OSBPL3: variants seen among roughly 807,000 people sequenced by gnomAD.
OSBPL3 encodes the protein oxysterol-binding protein-related protein 3.
A neutral mutation model predicts 120.1 loss-of-function variants in OSBPL3; 65 were observed. The observed-to-expected ratio is 0.54, with a 90% CI of 0.44 to 0.67. OSBPL3 has a LOEUF of 0.67. OSBPL3 is among the 30% of genes least tolerant of loss of function. OSBPL3 has a pLI of 0.00. For synonymous variants in OSBPL3, 416 were observed against 402.6 expected (o/e 1.03, Z -0.40); for missense variants, 1,004 against 1,082.1 (o/e 0.93, Z 1.01).
At chr7:24,934,541 A>C (rs1812165175) in intron 1 of OSBPL3, among the ~76,000 whole-genome samples, 1 of 152,200 alleles carries the variant, frequency 6.6e-6, no homozygotes, top group African/African-American at 2.4e-5. Flanking sequence ...CACAAAGTAC[A>C]TTAGGGTTTC....
chr7:24,822,673 T>C lies in OSBPL3; in HGVS notation c.1885-2435A>G, dbSNP rs952415591. On this transcript the variant is annotated intron_variant, in intron 16 of 22. Coordinates refer to ENST00000313367, the MANE Select transcript of OSBPL3 (RefSeq NM_015550.4). The surrounding 1 kb of genome is among the most constrained non-coding windows in gnomAD (Gnocchi z 5.8). ...GAAGAATTTGGCATCTTTACAGGTA[T>C]GGCCGAATGTAAACACAGTATATAA... 6.6e-6 allele frequency among the ~76,000 whole-genome samples: 1 copy of C among 152,346 alleles called. No individual in the cohort carries two copies. The highest frequency in any genetic ancestry group is 2.4e-5 in the African/African-American group (1 of 41,584).
At chr7:24,906,292 T>C (rs1021662841) in intron 1 of OSBPL3, 5 of 250,366 alleles carry the variant, frequency 2.0e-5, no homozygotes, top group African/African-American at 9.2e-5. Context: ...ATCACTGACA[T>C]CATGGGATGG....
rs1423435424 is a variant in OSBPL3, at chr7:24,873,654, A to G, written c.97-1585T>C. ...TTTCTTCATAACAAAATTATTACCA[A>G]TTATTCCAAGTCACTTAATTACACT... On this transcript the variant is annotated intron_variant, in intron 2 of 22. Transcript: ENST00000313367. This position sits in a 1 kb window ranked among gnomAD's most constrained non-coding sequence, Gnocchi z 4.1. 2.0e-5 allele frequency among the ~76,000 whole-genome samples: 3 copies of G among 152,192 alleles called. No individual in the cohort carries two copies. In the East Asian group the frequency reaches 5.8e-4, roughly 29 times the overall value.
chr7:24,942,092 C>T (rs1439821784), intron 1 of OSBPL3, among the ~76,000 whole-genome samples: 4 of 151,850 alleles, frequency 2.6e-5, no homozygotes, highest in Non-Finnish European at 5.9e-5. Flanking sequence ...CTTTGGGCAC[C>T]ACCAGAAATG....
chr7:24,868,771 T>C (rs1210610944), intron 5 of OSBPL3, among the ~76,000 whole-genome samples: 1 of 152,214 alleles, frequency 6.6e-6, no homozygotes, highest in Non-Finnish European at 1.5e-5. Flanking sequence ...ATTTCCCAGA[T>C]GTGGTTAAGA....
intron 2 of OSBPL3, among the ~76,000 whole-genome samples, chr7:24,890,332 A>C (rs958274628): frequency 3.9e-5 from 6 of 152,224 alleles, no homozygotes; most frequent in South Asian, 2.1e-4. Flanking sequence ...ACGTGACTGG[A>C]AACACAGTGT....
Position 24,941,350 on chromosome 7 carries a change from C to A in OSBPL3, c.-150+38536G>T, listed in dbSNP as rs140395084. On this transcript the variant is annotated intron_variant, in intron 1 of 22. Transcript: ENST00000313367. ...TGAATCCAATGCATCTAGGATATTTCTTAAAGTCTCTACTCCCAACATTTC... is the reference window on the plus strand; with the variant it reads ...TGAATCCAATGCATCTAGGATATTTATTAAAGTCTCTACTCCCAACATTTC... 8.7e-3 allele frequency among the ~76,000 whole-genome samples: 1,330 copies of A among 152,224 alleles called. 25 individuals are homozygous for A. Among genetic ancestry groups the A allele is most frequent in the African/African-American group, 0.03 (1,239 of 41,528 alleles).
intron 1 of OSBPL3, among the ~76,000 whole-genome samples, chr7:24,979,655 G>A (rs1818019678): frequency 2.0e-5 from 3 of 152,270 alleles, no homozygotes; most frequent in South Asian, 2.1e-4. Context: ...CTCGAGGGAA[G>A]GTGTCCTGGG....
chr7:24,866,221 ACTT>A lies in OSBPL3; in HGVS notation c.395_397del (p.Glu132del). ...AAGTTTCGATACCCACTCATCAAAG[ACTT>A]CTTCTGACTTGACCTATAATATATT... On this transcript the variant is annotated inframe_deletion, in exon 6 of 23. Coordinates refer to ENST00000313367, the MANE Select transcript of OSBPL3 (RefSeq NM_015550.4). The A allele has an allele frequency of 1.2e-6, 2 of 1,608,806 alleles. No homozygotes were observed. The highest frequency in any genetic ancestry group is 1.7e-6 in the Non-Finnish European group (2 of 1,175,144).
At position 24,862,575 on chromosome 7, in the gene OSBPL3, G is replaced by C. The variant is rs1300773339; in HGVS notation, c.870+625C>G. On this transcript the variant is annotated intron_variant, in intron 9 of 22. Coordinates refer to ENST00000313367, the MANE Select transcript of OSBPL3 (RefSeq NM_015550.4). The surrounding 1 kb of genome is among the most constrained non-coding windows in gnomAD (Gnocchi z 4.4). ...CAAAGAGTGTACACAAGTGTATCAG[G>C]TGACCTAACCAAAAGCTTGAGATTT... 6.6e-6 allele frequency among the ~76,000 whole-genome samples: 1 copy of C among 152,158 alleles called. No homozygotes were observed. The highest frequency in any genetic ancestry group is 6.5e-5 in the Admixed American group (1 of 15,274).
At chr7:24,934,897 T>C (rs1812218020) in intron 1 of OSBPL3, among the ~76,000 whole-genome samples, 2 of 152,206 alleles carry the variant, frequency 1.3e-5, no homozygotes, top group South Asian at 4.1e-4. Context: ...TAATTATTTC[T>C]ACTGCATGGG....
chr7:24,903,449 G>C (rs982240799), intron 1 of OSBPL3, among the ~76,000 whole-genome samples: 1 of 152,214 alleles, frequency 6.6e-6, no homozygotes, highest in Non-Finnish European at 1.5e-5. Context: ...TCCTGGGAGA[G>C]CGCACTTGCA....
chr7:24,961,115 C>T (rs1815685864), intron 1 of OSBPL3, among the ~76,000 whole-genome samples: 1 of 152,102 alleles, frequency 6.6e-6, no homozygotes. Flanking sequence ...GAATTAACCA[C>T]TAACAATGTA....
rs569864469 is a variant in OSBPL3 at position 24,883,588 on chromosome 7, C to A, written c.96+8789G>T. Among the ~76,000 whole-genome samples, 36 of 152,250 alleles carry A rather than the reference C, an allele frequency of 2.4e-4. No individual in the cohort carries two copies. Among genetic ancestry groups the A allele is most frequent in the African/African-American group, 8.7e-4 (36 of 41,542 alleles). On this transcript the variant is annotated intron_variant, in intron 2 of 22. Coordinates refer to ENST00000313367, the MANE Select transcript of OSBPL3 (RefSeq NM_015550.4). The surrounding 1 kb of genome is among the most constrained non-coding windows in gnomAD (Gnocchi z 5.4). ...AAATATATTTATTTTCTTAAGGCAT[C>A]CCATGCAGTTTTCATCAAAGTAATA...
At chr7:24,910,142 C>T (rs1808612526) in intron 1 of OSBPL3, among the ~76,000 whole-genome samples, 1 of 152,002 alleles carries the variant, frequency 6.6e-6, no homozygotes, top group Admixed American at 6.6e-5. Context: ...TGTGTATTAC[C>T]CTGGCCTGAA....
intron 5 of OSBPL3, among the ~76,000 whole-genome samples, chr7:24,868,839 A>G (rs17150357): frequency 0.27 from 40,377 of 152,046 alleles, 6,329 homozygotes; most frequent in East Asian, 0.75. Context: ...AGAGGCCGTT[A>G]TAAGTCAGTG....
chr7:24,980,136 A>G lies in OSBPL3; in HGVS notation c.-400T>C. ...TCTCCCGGGCCGGCTGGCGGGCGCC[A>G]CCAGCACGCGGCCAGTTCTGAGTAC... is the stretch of plus-strand genomic sequence containing the variant. On this transcript the variant is annotated 5_prime_UTR_variant, in exon 1 of 23. Coordinates refer to ENST00000313367, the MANE Select transcript of OSBPL3 (RefSeq NM_015550.4). The G allele has an allele frequency of 1.3e-6, 1 of 752,752 alleles. No individual in the cohort carries two copies. The highest frequency in any genetic ancestry group is 1.6e-6 in the Non-Finnish European group (1 of 617,494). The allele number at this position is 752,752 out of a possible 1,614,324, so 46.6% of individuals were successfully genotyped here.
At chr7:24,920,653 T>C (rs946118655) in intron 1 of OSBPL3, among the ~76,000 whole-genome samples, 2 of 152,168 alleles carry the variant, frequency 1.3e-5, no homozygotes, top group Non-Finnish European at 2.9e-5. Flanking sequence ...TAAAAATCCC[T>C]TGAAAACTCC....
chr7:24,924,739 CCTG>C (rs138), intron 1 of OSBPL3, among the ~76,000 whole-genome samples: 39,646 of 151,950 alleles, frequency 0.26, 5,354 homozygotes, highest in South Asian at 0.37. Context: ...TGTCCTGAGG[CCTG>C]TATGAGCAGC....
Sources: allele counts gnomAD v4.1 joint callset (sites outside exome capture counted in the v4.1 genomes callset), GRCh38; gene constraint gnomAD v4.1.1; non-coding constraint Gnocchi (gnomAD v3.1); transcripts MANE v1.5; gene names NCBI Gene and HGNC (gene_info 2026-07-23, HGNC 2026-07-21).